Variants in CHSY3 observed in about 807,000 individuals in gnomAD.
CHSY3 encodes N-acetylgalactosaminyl-proteoglycan 3-beta-glucuronosyltransferase 3.
Under a neutral mutation model 67.2 loss-of-function variants are expected in CHSY3, and 35 were observed. That is an observed-to-expected ratio of 0.52 (90% CI 0.40 to 0.69). The LOEUF (loss-of-function observed/expected upper bound fraction) is 0.69, where lower values mean the gene tolerates loss of function less well. CHSY3 is among the 30% of genes least tolerant of loss of function. The pLI, the probability that CHSY3 is intolerant of heterozygous loss-of-function variation, is 0.00. For synonymous variants in CHSY3, 474 were observed against 434.7 expected (o/e 1.09, Z -1.12); for missense variants, 1,069 against 1,138.5 (o/e 0.94, Z 0.88).
chr5:129,962,463 C>A (rs1287711306), intron 2 of CHSY3, among the ~76,000 whole-genome samples: 1 of 152,002 alleles, frequency 6.6e-6, no homozygotes, highest in Non-Finnish European at 1.5e-5. Flanking sequence ...CCTAATGCAT[C>A]AAGATTGTTC....
chr5:130,116,863 CTT>C (rs10610925), intron 2 of CHSY3, among the ~76,000 whole-genome samples: 55,836 of 148,790 alleles, frequency 0.38, 10,442 homozygotes, highest in Admixed American at 0.45. Flanking sequence ...CTAGCTTTGT[CTT>C]TTTTTTTTTT....
chr5:130,128,253 T>TGTGTGTGCGC (rs760472284), intron 2 of CHSY3, among the ~76,000 whole-genome samples: 70 of 151,030 alleles, frequency 4.6e-4, no homozygotes, highest in African/African-American at 1.5e-3. Flanking sequence ...TGTGTGTGTG[T>TGTGTGTGCGC]GCGCTCACAT....
At chr5:129,960,952 C>CA (rs1449548643) in intron 2 of CHSY3, among the ~76,000 whole-genome samples, 1 of 151,990 alleles carries the variant, frequency 6.6e-6, no homozygotes, top group East Asian at 1.9e-4. Context: ...CCGTGTCCAC[C>CA]AGTGGATATG....
intron 2 of CHSY3, among the ~76,000 whole-genome samples, chr5:130,074,603 C>T (rs934955629): frequency 1.3e-5 from 2 of 152,122 alleles, no homozygotes; most frequent in African/African-American, 4.8e-5. Flanking sequence ...AACTATTTAA[C>T]ATGGGAAATA....
intron 2 of CHSY3, among the ~76,000 whole-genome samples, chr5:130,061,897 A>G (rs1312050595): frequency 6.6e-6 from 1 of 152,124 alleles, no homozygotes; most frequent in Non-Finnish European, 1.5e-5. Flanking sequence ...AAAGTCAAAA[A>G]AAAAACAGAT....
At chr5:130,120,865 G>A (rs1322257466) in intron 2 of CHSY3, among the ~76,000 whole-genome samples, 1 of 152,196 alleles carries the variant, frequency 6.6e-6, no homozygotes, top group East Asian at 1.9e-4. Context: ...ATGTTAGAAT[G>A]TGGCCTGCAC....
rs1295348608 is a variant in CHSY3, at chr5:130,089,857, G to A, written c.1087-94372G>A. Among the ~76,000 whole-genome samples the A allele has an allele frequency of 2.0e-5, 3 of 152,190 alleles. No individual in the cohort carries two copies. The East Asian group carries it at 5.8e-4, about 29-fold the overall frequency. ...AGTCCTGATGACAAGGGAAATGGAA[G>A]CTTATTACTGTCAGCATGTGTCCAG... On this transcript the variant is annotated intron_variant, in intron 2 of 2. Transcript: ENST00000305031.
intron 2 of CHSY3, among the ~76,000 whole-genome samples, chr5:130,096,272 A>G (rs948266126): frequency 3.3e-5 from 5 of 152,156 alleles, no homozygotes; most frequent in African/African-American, 1.2e-4. Flanking sequence ...TCCCGGGTTC[A>G]AGCAGTTTTC....
At chr5:130,143,810 G>GTATATATATATA (rs61284287) in intron 2 of CHSY3, among the ~76,000 whole-genome samples, 33 of 56,466 alleles carry the variant, frequency 5.8e-4, no homozygotes, top group Admixed American at 9.9e-4. Flanking sequence ...ATATATGTGT[G>GTATATATATATA]TATATATATA....
intron 2 of CHSY3, among the ~76,000 whole-genome samples, chr5:130,152,267 G>T (rs967280121): frequency 1.3e-5 from 2 of 152,200 alleles, no homozygotes; most frequent in African/African-American, 4.8e-5. Flanking sequence ...TGCAAACCTT[G>T]TGACCATAAT....
intron 2 of CHSY3, among the ~76,000 whole-genome samples, chr5:130,105,143 A>G (rs1767374590): frequency 6.6e-6 from 1 of 151,620 alleles, no homozygotes; most frequent in African/African-American, 2.4e-5. Flanking sequence ...TATGAGATGA[A>G]GGCAGTGTCA....
chr5:129,940,600 T>A (rs1271226208), intron 2 of CHSY3, among the ~76,000 whole-genome samples: 1 of 152,126 alleles, frequency 6.6e-6, no homozygotes, highest in Non-Finnish European at 1.5e-5. Flanking sequence ...CTTTTCCCTC[T>A]TTTTATAAAC....
intron 2 of CHSY3, among the ~76,000 whole-genome samples, chr5:130,059,280 C>G (rs753318757): frequency 5.4e-4 from 82 of 152,054 alleles, no homozygotes; most frequent in Non-Finnish European, 1.0e-3. Flanking sequence ...GCAACATCAA[C>G]TTTTACCTGA....
chr5:130,163,394 A>G (rs748416162), intron 2 of CHSY3, among the ~76,000 whole-genome samples: 15 of 152,172 alleles, frequency 9.9e-5, no homozygotes, highest in Non-Finnish European at 2.1e-4. Flanking sequence ...AAGCAGAAAG[A>G]GGATGCCTTC....
rs551817792 is a variant in CHSY3, at chr5:130,086,674, T to C, written c.1087-97555T>C. On this transcript the variant is annotated intron_variant, in intron 2 of 2. Transcript: ENST00000305031. ...CTCCCAAGACTCAACCAGGAAGAAGTTGAATCTCTGAATAGACCAATAACA... is the reference window on the plus strand; with the variant it reads ...CTCCCAAGACTCAACCAGGAAGAAGCTGAATCTCTGAATAGACCAATAACA... 5.9e-5 allele frequency among the ~76,000 whole-genome samples: 9 copies of C among 152,164 alleles called. No individual in the cohort carries two copies. In the South Asian group the frequency reaches 1.9e-3, roughly 32 times the overall value.
intron 2 of CHSY3, among the ~76,000 whole-genome samples, chr5:130,087,035 C>T (rs1279399846): frequency 6.6e-6 from 1 of 152,132 alleles, no homozygotes; most frequent in Admixed American, 6.6e-5. Flanking sequence ...AAGTGGGCTT[C>T]ATCCCTGGGA....
intron 2 of CHSY3, among the ~76,000 whole-genome samples, chr5:130,122,075 A>G (rs193257131): frequency 2.0e-5 from 3 of 152,356 alleles, no homozygotes; most frequent in Admixed American, 1.3e-4. Context: ...TTGTTAGTCT[A>G]TAAGTCAGTA....
intron 2 of CHSY3, among the ~76,000 whole-genome samples, chr5:129,941,930 CAG>C (rs575694487): frequency 5.6e-4 from 85 of 152,238 alleles, no homozygotes; most frequent in African/African-American, 2.0e-3. Context: ...TCACAGAACT[CAG>C]GGAAATGTAT....
intron 2 of CHSY3, among the ~76,000 whole-genome samples, chr5:130,147,522 C>A (rs867835766): frequency 6.6e-6 from 1 of 152,174 alleles, no homozygotes; most frequent in Non-Finnish European, 1.5e-5. Flanking sequence ...ACTTCTATAA[C>A]ATCAAGCATT....
Sources: gnomAD v4.1 joint callset for allele counts (sites outside exome capture counted in the v4.1 genomes callset) on GRCh38, gnomAD v4.1.1 for gene constraint, MANE v1.5 for transcripts, NCBI Gene and HGNC (gene_info 2026-07-23, HGNC 2026-07-21) for gene names.